Variants in NFIB observed in about 807,000 individuals in gnomAD.
The protein encoded by NFIB is nuclear factor I B, also known as nuclear factor 1 B-type.
In NFIB, 11 loss-of-function variants were observed where a neutral mutation model predicts 61.5. The observed-to-expected ratio is 0.18, with a 90% confidence interval of 0.11 to 0.30. The LOEUF (loss-of-function observed/expected upper bound fraction) is 0.30. NFIB is among the 10% of genes least tolerant of loss of function. NFIB has a pLI of 1.00. For missense variants in NFIB, 471 were observed against 608.9 expected (o/e 0.77, Z 2.38); for synonymous variants, 260 against 216.5 (o/e 1.20, Z -1.76).
At chr9:14,153,404 G>A (rs16931408) in intron 4 of NFIB, among the ~76,000 whole-genome samples, 3,017 of 152,120 alleles carry the variant, frequency 0.02, 109 homozygotes, top group African/African-American at 0.067. Context: ...TACATCAGAC[G>A]CAAAGATCAG....
upstream of NFIB, among the ~76,000 whole-genome samples, chr9:14,403,496 C>A (rs2061761956): frequency 6.6e-6 from 1 of 152,166 alleles, no homozygotes; most frequent in East Asian, 1.9e-4. Context: ...AAAAGAAAGC[C>A]AGATTCTCCC....
At chr9:14,102,853 T>TA in intron 10 of NFIB, among the ~76,000 whole-genome samples, 1 of 152,046 alleles carries the variant, frequency 6.6e-6, no homozygotes, top group Admixed American at 6.5e-5. Context: ...AGAAAGAAAA[T>TA]AAAAATGCTT....
chr9:14,128,766 T>C (rs2040032428), intron 6 of NFIB, among the ~76,000 whole-genome samples: 1 of 151,880 alleles, frequency 6.6e-6, no homozygotes, highest in South Asian at 2.1e-4. Flanking sequence ...GGGTATGTCA[T>C]TTCTGGAGAA....
At chr9:14,169,747 G>A (rs1455138506) in intron 3 of NFIB, among the ~76,000 whole-genome samples, 2 of 152,226 alleles carry the variant, frequency 1.3e-5, no homozygotes, top group Non-Finnish European at 2.9e-5. Flanking sequence ...GAACCTGGGA[G>A]GCAAAAGTTG....
chr9:14,497,342 A>C, the NFIB span, among the ~76,000 whole-genome samples: 1 of 152,200 alleles, frequency 6.6e-6, no homozygotes, highest in Admixed American at 6.5e-5. Flanking sequence ...AAGTTATTAC[A>C]GGAGTGCCTT....
chr9:14,370,861 G>A (rs1018585642), intron 1 of NFIB, among the ~76,000 whole-genome samples: 4 of 152,204 alleles, frequency 2.6e-5, no homozygotes, highest in South Asian at 2.1e-4. Context: ...TTGGGAGGCC[G>A]AGGCGGGTGG....
At chr9:14,114,755 C>T (rs1015375971) in intron 9 of NFIB, among the ~76,000 whole-genome samples, 1 of 152,142 alleles carries the variant, frequency 6.6e-6, no homozygotes, top group African/African-American at 2.4e-5. Context: ...ATTAATAACA[C>T]CACAAGAGTA....
chr9:14,375,194 G>A lies in NFIB; in HGVS notation c.108+23330C>T, dbSNP rs1001802743. ...ACAGGGCTCATATAGTGGTTCCTCA[G>A]AGTCATCAGAGCCCTAGGCTCTTTC... On this transcript the variant is annotated intron_variant, in intron 1 of 8. Coordinates refer to the NFIB transcript ENST00000380934. Among the ~76,000 whole-genome samples, 6 of 152,290 alleles carry A rather than the reference G, an allele frequency of 3.9e-5. No individual in the cohort carries two copies. In the South Asian group the frequency reaches 1.2e-3, roughly 32 times the overall value.
intron 1 of NFIB, among the ~76,000 whole-genome samples, chr9:14,383,792 T>TTTAG (rs774415690): frequency 6.0e-4 from 92 of 152,334 alleles, no homozygotes; most frequent in Non-Finnish European, 1.2e-3. Context: ...GAATGCAAAC[T>TTTAG]ATATCGCCAT....
chr9:14,331,765 TACCTTCGAAA>T (rs2060823416), intron 1 of NFIB, among the ~76,000 whole-genome samples: 1 of 152,228 alleles, frequency 6.6e-6, no homozygotes, highest in African/African-American at 2.4e-5. Flanking sequence ...ACGATTCCCT[TACCTTCGAAA>T]ATCATGCCTG....
the NFIB span, among the ~76,000 whole-genome samples, chr9:14,448,440 G>C: frequency 8.0e-4 from 122 of 152,248 alleles, no homozygotes; most frequent in African/African-American, 2.7e-3. Flanking sequence ...TATATTCTAA[G>C]AGTTGAAAGG....
chr9:14,427,867 G>A, the NFIB span, among the ~76,000 whole-genome samples: 1 of 148,690 alleles, frequency 6.7e-6, no homozygotes, highest in Non-Finnish European at 1.5e-5. Flanking sequence ...TCTTTGTGGG[G>A]CAGTCTCTAA....
At chr9:14,101,821 C>T (rs1354920027) in intron 10 of NFIB, among the ~76,000 whole-genome samples, 1 of 152,174 alleles carries the variant, frequency 6.6e-6, no homozygotes, top group Non-Finnish European at 1.5e-5. Context: ...GTCAATCTTC[C>T]ATGAATCACA....
the NFIB span, among the ~76,000 whole-genome samples, chr9:14,490,945 G>C: frequency 6.6e-6 from 1 of 152,152 alleles, no homozygotes; most frequent in Non-Finnish European, 1.5e-5. Context: ...AGCAAGTCTA[G>C]TGGTAATAGC....
upstream of NFIB, among the ~76,000 whole-genome samples, chr9:14,315,433 G>C (rs542373426): frequency 6.7e-5 from 10 of 149,406 alleles, no homozygotes; most frequent in South Asian, 2.1e-3. Context: ...CTGCAGCCCC[G>C]CTGGCTGGCT....
chr9:14,210,421 T>A lies in NFIB; in HGVS notation c.563-30641A>T, dbSNP rs754265296. ...ACTTTAAAAATAACGAAAAATGAAC[T>A]TAAAAAGTGATTAAAACCCTTGAGT... On this transcript the variant is annotated intron_variant, in intron 2 of 10. Transcript: ENST00000380953. Among the ~76,000 whole-genome samples, 54 of 152,226 alleles carry A rather than the reference T, an allele frequency of 3.5e-4. No homozygotes were observed. In the Middle Eastern group the frequency reaches 0.017, roughly 48 times the overall value.
the NFIB span, among the ~76,000 whole-genome samples, chr9:14,470,555 G>A: frequency 1.3e-5 from 2 of 152,132 alleles, no homozygotes; most frequent in African/African-American, 2.4e-5. Context: ...ACAATGGTGG[G>A]AGTAGAGGAG....
chr9:14,486,945 C>G, the NFIB span, among the ~76,000 whole-genome samples: 1 of 152,134 alleles, frequency 6.6e-6, no homozygotes, highest in African/African-American at 2.4e-5. Context: ...AGGCAGATAT[C>G]CCAATCTGGA....
intron 2 of NFIB, among the ~76,000 whole-genome samples, chr9:14,222,726 C>G (rs374204537): frequency 7.1e-6 from 1 of 141,136 alleles, no homozygotes; most frequent in Non-Finnish European, 1.5e-5. Flanking sequence ...GCCCTGGGAA[C>G]TCAAGGCTAC....
Sources: gnomAD v4.1 joint callset for allele counts (sites outside exome capture counted in the v4.1 genomes callset) on GRCh38, gnomAD v4.1.1 for gene constraint, MANE v1.5 for transcripts, NCBI Gene and HGNC (gene_info 2026-07-23, HGNC 2026-07-21) for gene names.